UNC80: variants seen among roughly 807,000 people sequenced by gnomAD.
The protein encoded by UNC80 is protein unc-80 homolog.
A neutral mutation model predicts 384.6 loss-of-function variants in UNC80; 164 were observed. The observed-to-expected ratio is 0.43, with a 90% CI of 0.38 to 0.49. The LOEUF (loss-of-function observed/expected upper bound fraction) is 0.49. UNC80 is among the 20% of genes least tolerant of loss of function. UNC80 has a pLI of 0.00. For synonymous variants in UNC80, 1,486 were observed against 1,527.8 expected (o/e 0.97, Z 0.64); for missense variants, 3,330 against 4,143.0 (o/e 0.80, Z 5.39).
Position 209,825,949 on chromosome 2 carries a change from A to G in UNC80, c.2374A>G (p.Met792Val), listed in dbSNP as rs911696892. The change falls in exon 14 of 65, where the codon ATG becomes GTG. Residue 792 changes from methionine (M) to valine (V), a missense_variant. By Grantham distance (21) the Met-to-Val change is conservative. Transcript: ENST00000673920. ...AAGCAACCATAGGCTTGCTCTAACA[A>G]TGCTCATCAAAATAGTGAAGTCTTT... ...PVSNHRLALT[M>V]LIKIVKSLGC... 1.3e-6 allele frequency: 2 copies of G among 1,550,962 alleles called. No individual in the cohort carries two copies. The highest frequency in any genetic ancestry group is 1.4e-5 in the African/African-American group (1 of 73,100).
chr2:209,977,384 A>T (rs2093039539), intron 58 of UNC80, among the ~76,000 whole-genome samples: 1 of 152,220 alleles, frequency 6.6e-6, no homozygotes, highest in African/African-American at 2.4e-5. Context: ...ATTGGAAGAA[A>T]AATGGTTTAA....
At chr2:209,849,832 G>A (rs957768467) in intron 22 of UNC80, among the ~76,000 whole-genome samples, 2 of 150,666 alleles carry the variant, frequency 1.3e-5, no homozygotes, top group Admixed American at 1.3e-4. Flanking sequence ...AATATGTGAA[G>A]GCTCTGGAAT....
intron 24 of UNC80, among the ~76,000 whole-genome samples, chr2:209,880,626 T>C (rs977847438): frequency 6.6e-6 from 1 of 152,190 alleles, no homozygotes; most frequent in African/African-American, 2.4e-5. Flanking sequence ...TATTCTAGTC[T>C]AGTTGGAGCT....
chr2:209,922,401 C>T lies in UNC80; in HGVS notation c.5662+18C>T, dbSNP rs143506865. The T allele has an allele frequency of 6.3e-5, 98 of 1,549,446 alleles. 2 individuals carry two copies. The highest frequency in any genetic ancestry group is 6.0e-4 in the South Asian group (50 of 83,834). On this transcript the variant is annotated intron_variant, in intron 35 of 64. Transcript: ENST00000673920. ...TGCTGAAGGTGTGTCCTCTTGCATA[C>T]GTTTTATTTCTCCTGACTTATGTGT...
intron 15 of UNC80, among the ~76,000 whole-genome samples, chr2:209,829,998 A>G (rs2080837568): frequency 1.3e-5 from 2 of 152,222 alleles, no homozygotes. Flanking sequence ...ATAAGTGTTA[A>G]CTGCATTTAT....
intron 61 of UNC80, among the ~76,000 whole-genome samples, chr2:209,991,666 C>G (rs2093394193): frequency 6.6e-6 from 1 of 152,216 alleles, no homozygotes; most frequent in Non-Finnish European, 1.5e-5. Flanking sequence ...ACAGAGACTT[C>G]AGGCTGCAAA....
intron 26 of UNC80, among the ~76,000 whole-genome samples, chr2:209,888,580 CT>C (rs1398166577): frequency 6.6e-6 from 1 of 151,876 alleles, no homozygotes; most frequent in East Asian, 1.9e-4. Flanking sequence ...CTTAGCTTGT[CT>C]TTTATTGGTT....
In UNC80 at chr2:209,905,627, T is replaced by C. The variant is rs146115730; in HGVS notation, c.4782+662T>C. Among the ~76,000 whole-genome samples the C allele has an allele frequency of 1.3e-4, 20 of 152,308 alleles. No homozygotes were observed. The East Asian group carries it at 3.9e-3, about 29-fold the overall frequency. On this transcript the variant is annotated intron_variant, in intron 29 of 64. Transcript: ENST00000673920. ...AATAAATTTGTGTCATTTTAAGCTATGAAGGTTGTGGTCACTTGTTACAGC... is the reference window on the plus strand; with the variant it reads ...AATAAATTTGTGTCATTTTAAGCTACGAAGGTTGTGGTCACTTGTTACAGC...
intron 22 of UNC80, among the ~76,000 whole-genome samples, chr2:209,862,188 C>G (rs1337278455): frequency 2.0e-5 from 3 of 152,304 alleles, no homozygotes; most frequent in Non-Finnish European, 4.4e-5. Flanking sequence ...ATAAATTTCC[C>G]TGTTAACACT....
Position 209,877,904 on chromosome 2 carries a change from T to G in UNC80, c.3841-50T>G, listed in dbSNP as rs566491380. ...TCTGATGTAATGTGAGAGCCTATTT[T>G]AGAGTTTGACTTAGTTTGTGCTGTT... On this transcript the variant is annotated intron_variant, in intron 23 of 64. Transcript: ENST00000673920. 4.1e-6 allele frequency: 6 copies of G among 1,459,156 alleles called. No individual in the cohort carries two copies. The Admixed American group carries it at 1.7e-4, about 40-fold the overall frequency. 90.4% of individuals were successfully genotyped at this position (1,459,156 alleles called of 1,614,324 possible).
In UNC80 at chr2:209,829,369, G is replaced by T. The variant is rs200238702; in HGVS notation, c.2616G>T (p.Pro872=). 3.9e-6 allele frequency: 6 copies of T among 1,551,006 alleles called. No homozygotes were observed. Residue 872 remains proline (P), a synonymous_variant, in exon 15 of 65, where the codon CCG becomes CCT. Coordinates refer to ENST00000673920, the MANE Select transcript of UNC80 (RefSeq NM_001371986.1). ...LHALLGFCME[P]VTDNKAGFGN... ...CTTTGCTAGGATTTTGTATGGAGCC[G>T]GTCACTGACAGTAAGTAAAGCTGCA...
chr2:209,957,573 A>G, intron 48 of UNC80, 71 bp from the exon 49 acceptor site: 1 of 1,324,862 alleles, frequency 7.5e-7, no homozygotes, highest in Non-Finnish European at 1.1e-6. Context: ...CAGTAACTTG[A>G]GGATTTAATA....
chr2:209,995,697 C>A lies in UNC80; in HGVS notation c.*102C>A, dbSNP rs561919288. 181 of 1,347,430 alleles carry A rather than the reference C, an allele frequency of 1.3e-4. 2 individuals carry two copies. In the South Asian group the frequency reaches 2.6e-3, roughly 19 times the overall value. The allele number at this position is 1,347,430 out of a possible 1,614,324, so 83.5% of individuals were successfully genotyped here. ...TTGAAAAAGATTAATTACAAAATAG[C>A]ACTTTACTTCTAATGGGTGGCACAA... On this transcript the variant is annotated 3_prime_UTR_variant, in exon 65 of 65. Coordinates refer to ENST00000673920, the MANE Select transcript of UNC80 (RefSeq NM_001371986.1).
At chr2:209,865,279 A>G (rs762214583) in intron 22 of UNC80, among the ~76,000 whole-genome samples, 1 of 151,568 alleles carries the variant, frequency 6.6e-6, no homozygotes, top group African/African-American at 2.4e-5. Context: ...CTAGTCCATC[A>G]ATGAATTCCT....
In UNC80 at chr2:209,896,426, C is replaced by G; in HGVS notation, c.4581+13C>G. 2 of 1,545,736 alleles carry G rather than the reference C, an allele frequency of 1.3e-6. No individual in the cohort carries two copies. The highest frequency in any genetic ancestry group is 1.8e-6 in the Non-Finnish European group (2 of 1,141,606). On this transcript the variant is annotated intron_variant, in intron 28 of 64. Transcript: ENST00000673920. The stretch of plus-strand genomic sequence containing the variant: ...GTCGTGGCTTCATGTAAGTAGGAAT[C>G]TCAGAAACAGCCCTGAGATCAATTT...
chr2:209,849,659 C>A (rs2082384586), intron 22 of UNC80, 36 bp downstream of exon 22: 1 of 1,543,060 alleles, frequency 6.5e-7, no homozygotes, highest in South Asian at 1.2e-5. Flanking sequence ...CCCTGCCCCC[C>A]ATCCCAAGTA....
chr2:209,857,020 C>A lies in UNC80; in HGVS notation c.3627+7397C>A, dbSNP rs2082986468. On this transcript the variant is annotated intron_variant, in intron 22 of 64. Transcript: ENST00000673920. ...GGTCAGGCTGATCTAGAACTCCTGA[C>A]CTTAGGTAATCCACCCACCTTGCCT... Among the ~76,000 whole-genome samples the A allele has an allele frequency of 2.0e-5, 3 of 152,108 alleles. No individual in the cohort carries two copies. The South Asian group carries it at 6.2e-4, about 32-fold the overall frequency.
rs1275351361 is a variant in UNC80 at position 209,798,374 on chromosome 2, C to T, written c.938+4515C>T. 2.0e-5 allele frequency among the ~76,000 whole-genome samples: 3 copies of T among 152,216 alleles called. No individual in the cohort carries two copies. In the South Asian group the frequency reaches 6.2e-4, roughly 32 times the overall value. On this transcript the variant is annotated intron_variant, in intron 7 of 64. Transcript: ENST00000673920. ...AAAGGAGTCCAGTTTCAGTTTTCTACCTATGGCTAGCCAGTTTTGCCAGCA... is the reference window on the plus strand; with the variant it reads ...AAAGGAGTCCAGTTTCAGTTTTCTATCTATGGCTAGCCAGTTTTGCCAGCA...
At chr2:209,914,135 C>G (rs1429108701) in intron 31 of UNC80, among the ~76,000 whole-genome samples, 195 bp downstream of exon 31, 2 of 152,192 alleles carry the variant, frequency 1.3e-5, no homozygotes, top group Non-Finnish European at 2.9e-5. Context: ...CCAATTTCAC[C>G]ATATGGTCTG....
Sources: allele counts gnomAD v4.1 joint callset (sites outside exome capture counted in the v4.1 genomes callset), GRCh38; gene constraint gnomAD v4.1.1; transcripts MANE v1.5; gene names NCBI Gene and HGNC (gene_info 2026-07-23, HGNC 2026-07-21).